Variants in ELOVL7 observed in about 807,000 individuals in gnomAD.
The protein encoded by ELOVL7 is ELOVL fatty acid elongase 7.
A neutral mutation model predicts 35.7 loss-of-function variants in ELOVL7; 27 were observed. The ratio of observed to expected loss-of-function variants is 0.76; its 90% confidence interval spans 0.56 to 1.04. ELOVL7 has a LOEUF of 1.04. ELOVL7 is among the 50% of genes least tolerant of loss of function. The probability of loss-of-function intolerance (pLI) is 0.00; values close to 1 mark genes in which losing one functional copy is unlikely to be tolerated. For synonymous variants in ELOVL7, 113 were observed against 114.6 expected (o/e 0.99, Z 0.09); for missense variants, 327 against 340.8 (o/e 0.96, Z 0.32).
At chr5:60,819,056 GA>G in intron 1 of ELOVL7, among the ~76,000 whole-genome samples, 1 of 180 alleles carries the variant, frequency 5.6e-3, no homozygotes, top group Non-Finnish European at 0.018. Context: ...GAGGGGAGGG[GA>G]GGGGAGGGGA....
intron 1 of ELOVL7, among the ~76,000 whole-genome samples, chr5:60,814,739 G>A (rs1284293072): frequency 2.6e-5 from 4 of 152,222 alleles, no homozygotes; most frequent in Non-Finnish European, 5.9e-5. Context: ...CAGGGTTCCA[G>A]TCTATGCTCG....
chr5:60,757,567 A>C lies in ELOVL7; in HGVS notation c.578T>G (p.Leu193Trp). The part of the protein sequence containing the change: ...VMYSYYGLSA[L>W]GPAYQKYLWW... Reference sequence around the variant, plus strand: ...CAAATACTTCTGGTAGGCTGGCCCCAATGCAGAAAGTCCATAGTAGGAATA... The same window carrying C: ...CAAATACTTCTGGTAGGCTGGCCCCCATGCAGAAAGTCCATAGTAGGAATA... Residue 193 changes from leucine to tryptophan, a missense_variant, in exon 8 of 9, where the codon TTG (leucine) becomes TGG (tryptophan). Coordinates refer to ENST00000508821, the MANE Select transcript of ELOVL7 (RefSeq NM_024930.3). 1 of 1,613,616 alleles carries C rather than the reference A, an allele frequency of 6.2e-7. No individual in the cohort carries two copies.
rs544491462 is a variant in ELOVL7, at chr5:60,779,141, C to G, written c.65-7048G>C. Among the ~76,000 whole-genome samples, 3 of 152,322 alleles carry G rather than the reference C, an allele frequency of 2.0e-5. No individual in the cohort carries two copies. In the South Asian group the frequency reaches 6.2e-4, roughly 32 times the overall value. On this transcript the variant is annotated intron_variant, in intron 3 of 8. Coordinates refer to ENST00000508821, the MANE Select transcript of ELOVL7 (RefSeq NM_024930.3). ...TCTGTGGCTTTGCAGGGTACAGCCCCCTTTCCTGCTGCTTTCACTGGCTGG... is the reference window on the plus strand; with the variant it reads ...TCTGTGGCTTTGCAGGGTACAGCCCGCTTTCCTGCTGCTTTCACTGGCTGG...
chr5:60,806,519 C>T (rs971526128), intron 1 of ELOVL7, among the ~76,000 whole-genome samples: 2 of 151,348 alleles, frequency 1.3e-5, no homozygotes, highest in African/African-American at 4.9e-5. Flanking sequence ...GCAGCTGAGA[C>T]AAATTTAAAG....
intron 1 of ELOVL7, among the ~76,000 whole-genome samples, chr5:60,834,147 AT>A (rs890643251): frequency 4.1e-4 from 60 of 146,836 alleles, no homozygotes; most frequent in Admixed American, 4.8e-4. Context: ...GGTTCACATT[AT>A]TTTTTTTTTT....
At chr5:60,800,455 G>T (rs1744538428) in intron 1 of ELOVL7, among the ~76,000 whole-genome samples, 1 of 152,116 alleles carries the variant, frequency 6.6e-6, no homozygotes, top group African/African-American at 2.4e-5. Context: ...AAAACTCAAT[G>T]AATTCAGTTT....
chr5:60,798,564 TTCTTA>T lies in ELOVL7; in HGVS notation c.-35+611_-35+615del, dbSNP rs202080451. Among the ~76,000 whole-genome samples the T allele has an allele frequency of 4.3e-4, 66 of 152,336 alleles. No homozygotes were observed. In the East Asian group the frequency reaches 0.012, roughly 28 times the overall value. ...AAATAAAGCTGTAAAAAAAATTATT[TTCTTA>T]TATCAGGCCAAATAGACTTTAAGTC... On this transcript the variant is annotated intron_variant, in intron 2 of 8. Coordinates refer to ENST00000508821, the MANE Select transcript of ELOVL7 (RefSeq NM_024930.3).
At chr5:60,841,561 G>A (rs139357177) in intron 1 of ELOVL7, among the ~76,000 whole-genome samples, 2,763 of 152,160 alleles carry the variant, frequency 0.018, 43 homozygotes, top group Middle Eastern at 0.051. Context: ...CCTCTTGGGA[G>A]CAGTCCAGGC....
At chr5:60,798,279 TGAA>T (rs1304793598) in intron 2 of ELOVL7, among the ~76,000 whole-genome samples, 1 of 152,160 alleles carries the variant, frequency 6.6e-6, no homozygotes, top group African/African-American at 2.4e-5. Flanking sequence ...CCATAGAAAA[TGAA>T]GAAGTCATAA....
chr5:60,795,260 C>A (rs1744180408), intron 2 of ELOVL7, among the ~76,000 whole-genome samples: 1 of 152,034 alleles, frequency 6.6e-6, no homozygotes, highest in Non-Finnish European at 1.5e-5. Flanking sequence ...GCTGGACTTC[C>A]TAGGCCGACT....
chr5:60,838,516 A>G (rs971958049), intron 1 of ELOVL7, among the ~76,000 whole-genome samples: 3 of 152,192 alleles, frequency 2.0e-5, no homozygotes, highest in African/African-American at 7.2e-5. Context: ...ACACAAAGCT[A>G]ACACTCAAAT....
chr5:60,796,173 T>G (rs1027793831), intron 2 of ELOVL7, among the ~76,000 whole-genome samples: 3 of 152,166 alleles, frequency 2.0e-5, no homozygotes, highest in African/African-American at 7.2e-5. Context: ...TCCACACATT[T>G]CCTAGTATTT....
At chr5:60,830,557 T>A (rs1470189966) in intron 1 of ELOVL7, among the ~76,000 whole-genome samples, 1 of 151,792 alleles carries the variant, frequency 6.6e-6, no homozygotes, top group Non-Finnish European at 1.5e-5. Context: ...GGTACCTGGG[T>A]TTTATTCTAG....
rs1208655073 is a variant in ELOVL7, at chr5:60,753,811, T to C, written c.*813A>G. 1 of 152,236 alleles carries C rather than the reference T, an allele frequency of 6.6e-6. No homozygotes were observed. The highest frequency in any genetic ancestry group is 1.5e-5 in the Non-Finnish European group (1 of 68,030). The allele number at this position is 152,236 out of a possible 1,614,324, so 9.4% of individuals were successfully genotyped here. On this transcript the variant is annotated 3_prime_UTR_variant, in exon 9 of 9. Coordinates refer to ENST00000508821, the MANE Select transcript of ELOVL7 (RefSeq NM_024930.3). The stretch of plus-strand genomic sequence containing the variant: ...TCCCACTGAACTACACAATACTTTT[T>C]TCATTGACAAATTCACCTCTTTCCA...
chr5:60,773,760 T>C (rs554724503), intron 3 of ELOVL7, among the ~76,000 whole-genome samples: 3 of 152,342 alleles, frequency 2.0e-5, no homozygotes, highest in Admixed American at 2.0e-4. Flanking sequence ...CAAACAAGAA[T>C]ATTCCAAACT....
intron 1 of ELOVL7, among the ~76,000 whole-genome samples, chr5:60,826,690 G>T (rs182102578): frequency 2.4e-4 from 36 of 152,152 alleles, no homozygotes; most frequent in African/African-American, 8.7e-4. Context: ...TCCCTAATAT[G>T]CTATGGGATG....
intron 1 of ELOVL7, among the ~76,000 whole-genome samples, chr5:60,822,127 A>G (rs1451417585): frequency 6.6e-6 from 1 of 152,194 alleles, no homozygotes; most frequent in Non-Finnish European, 1.5e-5. Flanking sequence ...GAATGATAAG[A>G]AGGCTTTGTG....
rs1741300465 is a variant in ELOVL7 at position 60,751,828 on chromosome 5, A to T, written c.*2796T>A. On this transcript the variant is annotated 3_prime_UTR_variant, in exon 9 of 9. Coordinates refer to ENST00000508821, the MANE Select transcript of ELOVL7 (RefSeq NM_024930.3). ...CACAAATTTATTATAATACACAGGG[A>T]AAAACAAACTCAAACTTTGACAACA... 1 of 152,234 alleles carries T rather than the reference A, an allele frequency of 6.6e-6. No individual in the cohort carries two copies. The highest frequency in any genetic ancestry group is 2.4e-5 in the African/African-American group (1 of 41,466). The allele number at this position is 152,234 out of a possible 1,614,324, so 9.4% of individuals were successfully genotyped here.
intron 1 of ELOVL7, among the ~76,000 whole-genome samples, chr5:60,828,792 G>A (rs1016419544): frequency 6.6e-6 from 1 of 152,090 alleles, no homozygotes; most frequent in African/African-American, 2.4e-5. Flanking sequence ...CTTTTCTTGT[G>A]ATATTTATAT....
Sources: gnomAD v4.1 joint callset for allele counts (sites outside exome capture counted in the v4.1 genomes callset) on GRCh38, gnomAD v4.1.1 for gene constraint, MANE v1.5 for transcripts, NCBI Gene and HGNC (gene_info 2026-07-23, HGNC 2026-07-21) for gene names.